Variants in DUSP13B observed in about 807,000 individuals in gnomAD.
DUSP13B encodes dual specificity phosphatase 13B.
chr10:75,094,790 C>T, the DUSP13B span: 7 of 1,614,088 alleles, frequency 4.3e-6, no homozygotes, highest in Non-Finnish European at 5.9e-6. Context: ...TGGCCTCTAC[C>T]AGCGTCATGT....
At chr10:75,094,924 C>T in the DUSP13B span, 1 of 1,570,746 alleles carries the variant, frequency 6.4e-7, no homozygotes, top group South Asian at 1.1e-5. Context: ...CCTTGAACCA[C>T]CCACCCCTTT....
chr10:75,095,878 C>A, the DUSP13B span: 1 of 1,280,148 alleles, frequency 7.8e-7, no homozygotes, highest in Non-Finnish European at 1.1e-6. Context: ...TTTGCAAACA[C>A]CCCCGCCCAC....
the DUSP13B span, among the ~76,000 whole-genome samples, chr10:75,098,543 A>G: frequency 6.6e-6 from 1 of 152,084 alleles, no homozygotes; most frequent in Admixed American, 6.6e-5. Context: ...AGGCAGATCA[A>G]CTGAGGTCAG....
chr10:75,107,965 G>GA, the DUSP13B span: 1 of 1,593,038 alleles, frequency 6.3e-7, no homozygotes, highest in South Asian at 1.1e-5. Flanking sequence ...AGCAAGATGG[G>GA]ATATGGGCTT....
At chr10:75,105,861 G>A in the DUSP13B span, 5 of 1,547,404 alleles carry the variant, frequency 3.2e-6, no homozygotes, top group African/African-American at 4.1e-5. Context: ...AGTGCACCAG[G>A]ACCTTGGCTG....
At chr10:75,102,074 C>T in the DUSP13B span, 1 of 699,958 alleles carries the variant, frequency 1.4e-6, no homozygotes, top group Non-Finnish European at 2.2e-6. Context: ...GTGCCAAGCA[C>T]AGTCAGGCAC....
chr10:75,096,630 T>C, the DUSP13B span, among the ~76,000 whole-genome samples: 134 of 152,028 alleles, frequency 8.8e-4, no homozygotes, highest in African/African-American at 3.2e-3. Flanking sequence ...AAACCTGTAT[T>C]CCCAGCTACT....
the DUSP13B span, chr10:75,105,797 G>T: frequency 3.9e-6 from 6 of 1,550,962 alleles, no homozygotes; most frequent in Non-Finnish European, 5.2e-6. Context: ...AGCCGCTGGT[G>T]CAGCATGAGG....
the DUSP13B span, chr10:75,103,938 G>A: frequency 7.6e-7 from 1 of 1,320,300 alleles, no homozygotes; most frequent in Non-Finnish European, 1.0e-6. Flanking sequence ...GTAGGCGCCA[G>A]GAGGAGCCAG....
the DUSP13B span, chr10:75,094,955 G>T: frequency 7.7e-7 from 1 of 1,299,002 alleles, no homozygotes. Flanking sequence ...GACACCCATG[G>T]CCATCCTCTA....
At chr10:75,099,334 T>C in the DUSP13B span, 3 of 1,232,144 alleles carry the variant, frequency 2.4e-6, no homozygotes, top group Non-Finnish European at 3.0e-6. Flanking sequence ...GCTCACCCAG[T>C]GGGAGGCTGT....
chr10:75,106,935 G>A, the DUSP13B span, among the ~76,000 whole-genome samples: 1 of 152,254 alleles, frequency 6.6e-6, no homozygotes, highest in Non-Finnish European at 1.5e-5. Context: ...GTCACACAGT[G>A]AGGGACACAG....
the DUSP13B span, chr10:75,105,885 G>A: frequency 1.3e-6 from 2 of 1,544,498 alleles, no homozygotes; most frequent in Non-Finnish European, 1.8e-6. Flanking sequence ...AAGACATCCT[G>A]GTGAAAAACC....
At chr10:75,094,682 C>T in the DUSP13B span, 1 of 1,613,692 alleles carries the variant, frequency 6.2e-7, no homozygotes, top group South Asian at 1.1e-5. Flanking sequence ...CAGATCAGAA[C>T]CGCCCCGTCT....
chr10:75,099,432 G>A, the DUSP13B span: 2 of 1,232,610 alleles, frequency 1.6e-6, no homozygotes, highest in Non-Finnish European at 2.0e-6. Flanking sequence ...CACCTACCTG[G>A]GGCATGGCCT....
chr10:75,108,193 G>GGTT, the DUSP13B span: 3 of 1,606,024 alleles, frequency 1.9e-6, no homozygotes, highest in Non-Finnish European at 2.6e-6. Context: ...AGCTCAAAGC[G>GGTT]GTTGTTTGCC....
the DUSP13B span, among the ~76,000 whole-genome samples, chr10:75,096,480 G>A: frequency 6.6e-6 from 1 of 151,810 alleles, no homozygotes; most frequent in African/African-American, 2.4e-5. Context: ...GGGAGGCTGA[G>A]GTGGGAGAAT....
the DUSP13B span, chr10:75,108,294 A>G: frequency 1.8e-4 from 273 of 1,504,978 alleles, 1 homozygote; most frequent in Non-Finnish European, 3.8e-5. Context: ...CTGCAGAGGG[A>G]CCGAGCCATT....
At chr10:75,102,387 G>T in the DUSP13B span, among the ~76,000 whole-genome samples, 11 of 152,214 alleles carry the variant, frequency 7.2e-5, no homozygotes, top group African/African-American at 2.6e-4. Flanking sequence ...AGCTTGCAGT[G>T]AGCCGAGATC....
Sources: gnomAD v4.1 joint callset for allele counts (sites outside exome capture counted in the v4.1 genomes callset) on GRCh38, gnomAD v4.1.1 for gene constraint, MANE v1.5 for transcripts, NCBI Gene and HGNC (gene_info 2026-07-23, HGNC 2026-07-21) for gene names.